Variants in STX3 observed in about 807,000 individuals in gnomAD.
STX3 encodes the protein syntaxin-3.
Under a neutral mutation model 40.2 loss-of-function variants are expected in STX3, and 19 were observed. The observed-to-expected ratio is 0.47, with a 90% CI of 0.33 to 0.69. STX3 has a LOEUF of 0.69. Among genes scored for constraint, STX3 ranks in the 30% least tolerant of loss-of-function variants. The probability of loss-of-function intolerance (pLI) is 0.02; values close to 1 mark genes in which losing one functional copy is unlikely to be tolerated. For missense variants in STX3, 364 were observed against 366.7 expected (o/e 0.99, Z 0.06); for synonymous variants, 122 against 132.2 (o/e 0.92, Z 0.53).
rs573537466 is a variant in STX3 at position 59,783,077 on chromosome 11, A to T, written c.115-3960A>T. 3.1e-3 allele frequency among the ~76,000 whole-genome samples: 381 copies of T among 122,200 alleles called. 6 individuals carry two copies. Among genetic ancestry groups the T allele is most frequent in the Non-Finnish European group, 9.1e-4 (55 of 60,192 alleles). The allele number at this position is 122,200 out of a possible 152,430, so 80.2% of individuals were successfully genotyped here. A position where few individuals can be genotyped will look rare whatever the true frequency, so the allele number is the denominator to read the frequency against. On this transcript the variant is annotated intron_variant, in intron 2 of 10. Transcript: ENST00000337979. ...AGCTGTAAATTTTACATGGTGATTT[A>T]AAAAAAAACACTTTTAGATGTCAAC...
rs138022907 is a variant in STX3, at chr11:59,793,913, T to A, written c.675+399T>A. ...TTGACCTCCCAGGATCAAGCAATCC[T>A]CCCAGGATTTGTCTTTTTTTCTTTC... On this transcript the variant is annotated intron_variant, in intron 8 of 10. Transcript: ENST00000337979. Among the ~76,000 whole-genome samples, 342 of 151,870 alleles carry A rather than the reference T, an allele frequency of 2.3e-3. 1 individual carries two copies. The highest frequency in any genetic ancestry group is 3.9e-3 in the Non-Finnish European group (264 of 67,934).
rs1021865962 is a variant in STX3, at chr11:59,800,943, C to T, written c.*119C>T. The T allele has an allele frequency of 1.3e-5, 20 of 1,535,906 alleles. No homozygotes were observed. Among genetic ancestry groups the T allele is most frequent in the Admixed American group, 5.9e-5 (3 of 50,968 alleles). ...GGCCTTCCTGAGAGCGAGTGCGACC[C>T]GTTCCTTTGTTTCCTTGCAACCACC... On this transcript the variant is annotated 3_prime_UTR_variant, in exon 11 of 11. Coordinates refer to ENST00000337979, the MANE Select transcript of STX3 (RefSeq NM_004177.5).
chr11:59,771,474 C>A (rs1252157027), intron 1 of STX3, among the ~76,000 whole-genome samples: 2 of 137,890 alleles, frequency 1.5e-5, no homozygotes, highest in African/African-American at 5.4e-5. Context: ...GAGTAAAGGG[C>A]TGTGATGGTT....
chr11:59,779,792 T>C (rs913081638), intron 2 of STX3, among the ~76,000 whole-genome samples: 11 of 152,128 alleles, frequency 7.2e-5, no homozygotes, highest in Non-Finnish European at 1.6e-4. Flanking sequence ...GGTGGAGCAA[T>C]ACCTGGCTGG....
At chr11:59,789,677 A>G (rs1193245085) in intron 4 of STX3, among the ~76,000 whole-genome samples, 1 of 152,172 alleles carries the variant, frequency 6.6e-6, no homozygotes. Flanking sequence ...TTCTGGCCTC[A>G]AGTGATCCAC....
At chr11:59,772,669 G>A (rs1863720040) in intron 1 of STX3, among the ~76,000 whole-genome samples, 1 of 152,200 alleles carries the variant, frequency 6.6e-6, no homozygotes, top group East Asian at 1.9e-4. Flanking sequence ...TCTACCTGTT[G>A]CCATGTTTTA....
In STX3 at chr11:59,797,351, C is replaced by G; in HGVS notation, c.855C>G (p.Ser285=). The G allele has an allele frequency of 6.2e-7, 1 of 1,613,976 alleles. No individual in the cohort carries two copies. Among genetic ancestry groups the G allele is most frequent in the Non-Finnish European group, 8.5e-7 (1 of 1,179,976 alleles). The part of the protein sequence containing the change: ...LGILALIIGL[S]VGLN ...TTTTAGCATTGATTATTGGACTTTCCGTTGGGCTGAATTAAGAGTGGCCTA... is the reference window on the plus strand; with the variant it reads ...TTTTAGCATTGATTATTGGACTTTCGGTTGGGCTGAATTAAGAGTGGCCTA... The change falls in exon 10 of 11, where the codon TCC becomes TCG. Residue 285 remains serine, a synonymous_variant. Transcript: ENST00000337979.
intron 8 of STX3, among the ~76,000 whole-genome samples, chr11:59,795,099 A>C (rs1865434176): frequency 6.6e-6 from 1 of 152,250 alleles, no homozygotes; most frequent in East Asian, 1.9e-4. Flanking sequence ...GTATATTTAT[A>C]GGTAGTTACT....
At position 59,793,110 on chromosome 11, in the gene STX3, A is replaced by G. The variant is rs1387202346; in HGVS notation, c.478A>G (p.Thr160Ala). 2 of 1,613,566 alleles carry G rather than the reference A, an allele frequency of 1.2e-6. No individual in the cohort carries two copies. Among genetic ancestry groups the G allele is most frequent in the Non-Finnish European group, 8.5e-7 (1 of 1,179,998 alleles). Residue 160 changes from threonine to alanine, a missense_variant, in exon 7 of 11, where the codon ACA becomes GCA. Transcript: ENST00000337979. ...QRQLEITGKK[T>A]TDEELEEMLE... ...CTTTTGTTACAAAGCTGGCAAAAAG[A>G]CAACCGATGAGGAGCTGGAGGAGAT...
At chr11:59,763,026 T>C (rs1396744210) in intron 1 of STX3, among the ~76,000 whole-genome samples, 1 of 152,214 alleles carries the variant, frequency 6.6e-6, no homozygotes, top group Non-Finnish European at 1.5e-5. Context: ...CTTGGGTGTG[T>C]AATTCCTTGG....
intron 2 of STX3, among the ~76,000 whole-genome samples, chr11:59,777,099 T>TG (rs1353221901): frequency 6.6e-6 from 1 of 152,178 alleles, no homozygotes; most frequent in African/African-American, 2.4e-5. Context: ...TCTCCTTATC[T>TG]GGTAAGGGTG....
chr11:59,789,880 A>G (rs566575564), intron 4 of STX3, among the ~76,000 whole-genome samples: 3 of 152,168 alleles, frequency 2.0e-5, no homozygotes, highest in African/African-American at 2.4e-5. Context: ...GTATAGTTCA[A>G]TGAAGCTACT....
intron 1 of STX3, among the ~76,000 whole-genome samples, chr11:59,763,718 A>G (rs1349241814): frequency 6.6e-6 from 1 of 152,196 alleles, no homozygotes; most frequent in Admixed American, 6.5e-5. Context: ...ATGACAAACT[A>G]TTTAGAAATA....
At chr11:59,795,665 G>C in intron 9 of STX3, 183 bp downstream of exon 9, 1 of 1,537,308 alleles carries the variant, frequency 6.5e-7, no homozygotes, top group Non-Finnish European at 8.7e-7. Flanking sequence ...GGAGCGGGCC[G>C]TGGCAGATAC....
In STX3 at chr11:59,787,050, G is replaced by T. The variant is rs751095384; in HGVS notation, c.128G>T (p.Arg43Leu). The change falls in exon 3 of 11, where the codon CGG (arginine) becomes CTG (leucine). Residue 43 changes from arginine (R) to leucine (L), a missense_variant. Coordinates refer to ENST00000337979, the MANE Select transcript of STX3 (RefSeq NM_004177.5). The stretch of plus-strand genomic sequence containing the variant: ...TTCTGATTATAGATTGAGGAAACTC[G>T]GCTTAACATTGACAAGATCTCAGAA... The part of the protein sequence containing the change: ...DEFFSEIEET[R>L]LNIDKISEHV... 6.2e-7 allele frequency: 1 copy of T among 1,613,852 alleles called. No homozygotes were observed. Among genetic ancestry groups the T allele is most frequent in the South Asian group, 1.1e-5 (1 of 91,062 alleles).
intron 4 of STX3, among the ~76,000 whole-genome samples, chr11:59,789,416 G>A (rs1864978433): frequency 6.6e-6 from 1 of 150,608 alleles, no homozygotes; most frequent in Non-Finnish European, 1.5e-5. Flanking sequence ...TTCTCTTATT[G>A]GTCTTATTTC....
chr11:59,801,526 G>A lies in STX3; in HGVS notation c.*702G>A, dbSNP rs1186239085. On this transcript the variant is annotated 3_prime_UTR_variant, in exon 11 of 11. Coordinates refer to ENST00000337979, the MANE Select transcript of STX3 (RefSeq NM_004177.5). ...GGATGATACAGTCATCTGAGGTTATGCTTTGCAAAAGGCTGACGGTATGGA... is the reference window on the plus strand; with the variant it reads ...GGATGATACAGTCATCTGAGGTTATACTTTGCAAAAGGCTGACGGTATGGA... The A allele has an allele frequency of 6.1e-6, 6 of 985,326 alleles. No individual in the cohort carries two copies. Among genetic ancestry groups the A allele is most frequent in the Non-Finnish European group, 7.2e-6 (6 of 829,942 alleles). 61.0% of individuals were successfully genotyped at this position (985,326 alleles called of 1,614,324 possible).
intron 1 of STX3, among the ~76,000 whole-genome samples, chr11:59,762,149 T>G (rs1030341224): frequency 1.3e-5 from 2 of 152,222 alleles, no homozygotes; most frequent in African/African-American, 4.8e-5. Flanking sequence ...TCTCTTGTTT[T>G]TTGTGACCTT....
chr11:59,760,026 A>G (rs1049144889), intron 1 of STX3, among the ~76,000 whole-genome samples: 1 of 152,060 alleles, frequency 6.6e-6, no homozygotes, highest in African/African-American at 2.4e-5. Context: ...TCTTCTCTGT[A>G]CCTGGGAGGA....
Sources: gnomAD v4.1 joint callset for allele counts (sites outside exome capture counted in the v4.1 genomes callset) on GRCh38, gnomAD v4.1.1 for gene constraint, MANE v1.5 for transcripts, NCBI Gene and HGNC (gene_info 2026-07-23, HGNC 2026-07-21) for gene names.